TNRC6C: variants seen among roughly 807,000 people sequenced by gnomAD.
TNRC6C encodes trinucleotide repeat-containing gene 6C protein.
TNRC6C carries 20 observed loss-of-function variants against 153.7 expected under a neutral mutation model. That is an observed-to-expected ratio of 0.13 (90% CI 0.09 to 0.19). The LOEUF is 0.19. TNRC6C is among the 10% of genes least tolerant of loss of function. The pLI is 1.00. For missense variants in TNRC6C, 1,987 were observed against 2,172.0 expected (o/e 0.91, Z 1.69); for synonymous variants, 811 against 841.4 (o/e 0.96, Z 0.63).
chr17:78,004,926 A>G, upstream of TNRC6C: 1 of 668,262 alleles, frequency 1.5e-6, no homozygotes, highest in East Asian at 3.5e-5. Context: ...GTAATAAATT[A>G]ACTGGGCAAA....
rs996243398 is a variant in TNRC6C at position 78,049,444 on chromosome 17, A to G, written c.382A>G (p.Ser128Gly). 1 of 1,614,046 alleles carries G rather than the reference A, an allele frequency of 6.2e-7. No individual in the cohort carries two copies. Among genetic ancestry groups the G allele is most frequent in the Non-Finnish European group, 8.5e-7 (1 of 1,179,878 alleles). ...GACAGGCAACCCTTCCAGTATTTGC[A>G]GTCCAGTCAGTGCCATAGGTCAAAA... Residue 128 changes from serine to glycine, a missense_variant, in exon 3 of 20, where the codon AGT (serine) becomes GGT (glycine). By Grantham distance (56) the Ser-to-Gly change is moderately conservative. Coordinates refer to ENST00000301624, the Ensembl canonical transcript of TNRC6C. The surrounding 1 kb of genome is among the most constrained non-coding windows in gnomAD (Gnocchi z 4.1).
At chr17:77,997,126 C>T (rs945317011) in intron 1 of TNRC6C, among the ~76,000 whole-genome samples, 7 of 152,132 alleles carry the variant, frequency 4.6e-5, no homozygotes, top group East Asian at 1.9e-4. Context: ...GGCCAAGAGA[C>T]GCGTTTCTTA....
chr17:78,023,977 G>A (rs2071885393), intron 1 of TNRC6C, among the ~76,000 whole-genome samples: 1 of 151,918 alleles, frequency 6.6e-6, no homozygotes, highest in African/African-American at 2.4e-5. Context: ...AGGCATGGTG[G>A]CGGGCACCTG....
exon 12 of TNRC6C, chr17:78,086,554 G>A (rs1214857161): frequency 6.2e-7 from 1 of 1,613,942 alleles, no homozygotes; most frequent in African/African-American, 1.3e-5. Flanking sequence ...CCAGCGTAAT[G>A]TGTCCGGATC....
At chr17:77,983,468 T>TC (rs757300145) in intron 1 of TNRC6C, among the ~76,000 whole-genome samples, 13 of 152,164 alleles carry the variant, frequency 8.5e-5, no homozygotes, top group Non-Finnish European at 1.8e-4. Flanking sequence ...CTCTAGAGTG[T>TC]CTCTTAGTAC....
intron 1 of TNRC6C, among the ~76,000 whole-genome samples, chr17:77,976,328 C>A (rs2070997198): frequency 6.6e-6 from 1 of 152,056 alleles, no homozygotes; most frequent in South Asian, 2.1e-4. Context: ...GGTTGTTTTG[C>A]CCTGAAAACA....
intron 2 of TNRC6C, among the ~76,000 whole-genome samples, chr17:78,039,309 G>GCCCCCCCCCCCCCCC (rs11306576): frequency 2.6e-5 from 3 of 113,462 alleles, no homozygotes; most frequent in Admixed American, 1.8e-4. Context: ...TTCAAATCTT[G>GCCCCCCCCCCCCCCC]CCCCCCCCCC....
chr17:77,975,228 T>C (rs546730555), intron 1 of TNRC6C, among the ~76,000 whole-genome samples: 1 of 151,782 alleles, frequency 6.6e-6, no homozygotes, highest in Non-Finnish European at 1.5e-5. Context: ...GTTATTACCT[T>C]AGGAGGTTTT....
intron 2 of TNRC6C, among the ~76,000 whole-genome samples, chr17:78,044,364 C>T (rs565264042): frequency 6.6e-6 from 1 of 152,322 alleles, no homozygotes; most frequent in African/African-American, 2.4e-5. Flanking sequence ...ATTATTCATT[C>T]ATTCAATGTA....
In TNRC6C at chr17:78,079,612, T is replaced by C. The variant is rs927493309; in HGVS notation, c.3357+71T>C. 6.5e-7 allele frequency: 1 copy of C among 1,547,208 alleles called. No individual in the cohort carries two copies. The highest frequency in any genetic ancestry group is 1.4e-5 in the African/African-American group (1 of 73,456). Reference sequence around the variant, plus strand: ...CAGTGTTTCGTGGGGTCCTGTGTTATCTGGAAGTCACTATTTTAAAGTGAG... The same window carrying C: ...CAGTGTTTCGTGGGGTCCTGTGTTACCTGGAAGTCACTATTTTAAAGTGAG... On this transcript the variant is annotated intron_variant, in intron 10 of 19. Coordinates refer to ENST00000301624, the Ensembl canonical transcript of TNRC6C. The surrounding 1 kb of genome is among the most constrained non-coding windows in gnomAD (Gnocchi z 4.3).
At chr17:78,046,043 G>A (rs572506643) in intron 2 of TNRC6C, among the ~76,000 whole-genome samples, 3 of 151,960 alleles carry the variant, frequency 2.0e-5, no homozygotes, top group Non-Finnish European at 4.4e-5. Context: ...ACATTAAAGT[G>A]CATTTCTTGA....
intron 1 of TNRC6C, among the ~76,000 whole-genome samples, chr17:77,970,391 A>G (rs888689352): frequency 1.3e-5 from 2 of 152,194 alleles, no homozygotes; most frequent in Admixed American, 6.5e-5. Context: ...GACCACAGGC[A>G]TGCACTATCA....
chr17:78,098,620 T>C (rs982132756), intron 17 of TNRC6C, 83 bp downstream of exon 20: 12 of 1,439,404 alleles, frequency 8.3e-6, no homozygotes, highest in Non-Finnish European at 1.1e-5. Context: ...ACCTCCTTTG[T>C]AAGGACCCCT....
At chr17:78,077,019 T>G in intron 8 of TNRC6C, 166 bp from the exon 11 acceptor site, 1 of 728,010 alleles carries the variant, frequency 1.4e-6, no homozygotes, top group Non-Finnish European at 2.1e-6. Context: ...TTTCTTTTTC[T>G]TTTTCCCCTC....
intron 2 of TNRC6C, among the ~76,000 whole-genome samples, chr17:78,038,002 C>T (rs878994731): frequency 3.3e-5 from 5 of 152,032 alleles, no homozygotes; most frequent in Admixed American, 2.6e-4. Context: ...GATGTATACA[C>T]GGAGAGTTGC....
exon 3 of TNRC6C, chr17:78,051,152 T>A: frequency 6.3e-7 from 1 of 1,575,684 alleles, no homozygotes; most frequent in Non-Finnish European, 8.6e-7. Context: ...GGGGGGCCGG[T>A]ACCGGTCAAA....
chr17:77,987,355 G>A (rs2071184154), intron 1 of TNRC6C, among the ~76,000 whole-genome samples: 1 of 152,184 alleles, frequency 6.6e-6, no homozygotes, highest in Non-Finnish European at 1.5e-5. Flanking sequence ...TGAGATTGTT[G>A]TGAAATAAGC....
intron 2 of TNRC6C, among the ~76,000 whole-genome samples, chr17:78,041,413 C>T (rs886510685): frequency 4.6e-5 from 7 of 152,206 alleles, no homozygotes; most frequent in African/African-American, 1.4e-4. Context: ...AGCAAGCCTC[C>T]TTTGCCCCCA....
At chr17:78,030,255 T>A (rs1157872645) in intron 1 of TNRC6C, among the ~76,000 whole-genome samples, 1 of 152,114 alleles carries the variant, frequency 6.6e-6, no homozygotes, top group Non-Finnish European at 1.5e-5. Flanking sequence ...GTTCAAGCAA[T>A]TCTCCTGCCT....
Sources: gnomAD v4.1 joint callset for allele counts (sites outside exome capture counted in the v4.1 genomes callset) on GRCh38, gnomAD v4.1.1 for gene constraint, Gnocchi (gnomAD v3.1) non-coding constraint, MANE v1.5 for transcripts, NCBI Gene and HGNC (gene_info 2026-07-23, HGNC 2026-07-21) for gene names.